UGT2B7: variants seen among roughly 807,000 people sequenced by gnomAD.
UGT2B7 encodes the protein UDP glucuronosyltransferase family 2 member B7, also known as UDP-glucuronosyltransferase 2B7.
A neutral mutation model predicts 51.9 loss-of-function variants in UGT2B7; 51 were observed. The observed-to-expected ratio is 0.98, with a 90% CI of 0.78 to 1.24. UGT2B7 has a LOEUF of 1.24. UGT2B7 is among the 50% of genes most tolerant of loss of function. The pLI is 0.00. For missense variants in UGT2B7, 727 were observed against 628.4 expected (o/e 1.16, Z -1.68); for synonymous variants, 225 against 211.6 (o/e 1.06, Z -0.55).
At chr4:69,089,003 A>G (rs1719025821) in intron 1 of UGT2B7, among the ~76,000 whole-genome samples, 2 of 152,226 alleles carry the variant, frequency 1.3e-5, no homozygotes, top group Admixed American at 6.6e-5. Context: ...GAGTTTTCCC[A>G]TGTCTATGAG....
intron 1 of UGT2B7, among the ~76,000 whole-genome samples, chr4:69,054,234 C>T (rs2109857551): frequency 6.6e-6 from 1 of 152,020 alleles, no homozygotes; most frequent in Admixed American, 6.5e-5. Flanking sequence ...AAAAAAATGG[C>T]AGTTGGAGTT....
chr4:69,060,244 G>A (rs957127743), intron 1 of UGT2B7, among the ~76,000 whole-genome samples: 1 of 152,226 alleles, frequency 6.6e-6, no homozygotes, highest in African/African-American at 2.4e-5. Context: ...TGCTCTGAAA[G>A]TGACCAGTAT....
rs778072240 is a variant in UGT2B7, at chr4:69,102,898, C to G, written c.962C>G (p.Ala321Gly). 22 of 1,613,462 alleles carry G rather than the reference C, an allele frequency of 1.4e-5. No individual in the cohort carries two copies. Among genetic ancestry groups the G allele is most frequent in the Non-Finnish European group, 1.9e-5 (22 of 1,179,668 alleles). Reference sequence around the variant, plus strand: ...GTCAGTAACATGACAGAAGAAAGGGCCAACGTAATTGCATCAGCCCTGGCC... The same window carrying G: ...GTCAGTAACATGACAGAAGAAAGGGGCAACGTAATTGCATCAGCCCTGGCC... ...SMVSNMTEER[A>G]NVIASALAQI... Residue 321 changes from alanine (A) to glycine (G), a missense_variant, in exon 3 of 6, where the codon GCC becomes GGC. Ala to Gly is a moderately conservative substitution (Grantham distance 60). Transcript: ENST00000305231.
chr4:69,101,241 A>G (rs1206556968), intron 2 of UGT2B7, among the ~76,000 whole-genome samples: 1 of 152,114 alleles, frequency 6.6e-6, no homozygotes, highest in Non-Finnish European at 1.5e-5. Flanking sequence ...TAAGTGTCAC[A>G]TGTGTACATT....
At chr4:69,107,053 G>C (rs1719621144) in intron 3 of UGT2B7, 122 bp from the exon 4 acceptor site, 2 of 1,087,332 alleles carry the variant, frequency 1.8e-6, no homozygotes, top group African/African-American at 1.6e-5. Flanking sequence ...ATTTACATTA[G>C]TCTTTGAGTA....
intron 1 of UGT2B7, among the ~76,000 whole-genome samples, chr4:69,079,227 T>C (rs778806830): frequency 7.2e-5 from 11 of 152,200 alleles, no homozygotes; most frequent in Non-Finnish European, 1.3e-4. Flanking sequence ...GCTGCACCCT[T>C]CTGCTGCATT....
chr4:69,094,315 ATT>A (rs1194365674), upstream of UGT2B7, among the ~76,000 whole-genome samples: 2 of 65,110 alleles, frequency 3.1e-5, no homozygotes, highest in Non-Finnish European at 5.3e-5. Context: ...AATTTTTTGT[ATT>A]TTTTTTTTTT....
intron 1 of UGT2B7, among the ~76,000 whole-genome samples, chr4:69,079,624 T>A (rs1718790917): frequency 6.6e-6 from 1 of 152,172 alleles, no homozygotes; most frequent in Non-Finnish European, 1.5e-5. Flanking sequence ...CAGCCTTCCA[T>A]TAACGTTGCA....
At chr4:69,063,318 CA>C (rs556109411) in intron 1 of UGT2B7, among the ~76,000 whole-genome samples, 92 of 23,836 alleles carry the variant, frequency 3.9e-3, no homozygotes, top group South Asian at 0.028. Context: ...GACTCCGTCT[CA>C]AAAAAAAAAA....
At chr4:69,087,509 T>C (rs976473795) in intron 1 of UGT2B7, among the ~76,000 whole-genome samples, 1 of 152,048 alleles carries the variant, frequency 6.6e-6, no homozygotes, top group African/African-American at 2.4e-5. Context: ...AGTTTGTCTT[T>C]ATAATTGGTT....
At chr4:69,098,445 C>T in intron 1 of UGT2B7, 95 bp from the exon 2 acceptor site, 2 of 1,416,918 alleles carry the variant, frequency 1.4e-6, no homozygotes, top group Non-Finnish European at 9.5e-7. Flanking sequence ...AGATATTTGC[C>T]TACATTTTTG....
Position 69,096,519 on chromosome 4 carries a change from G to A in UGT2B7, c.-2G>A, listed in dbSNP as rs111878373. 1.1e-3 allele frequency: 1,852 copies of A among 1,613,828 alleles called. 24 individuals are homozygous for A. In the African/African-American group the frequency reaches 0.022, roughly 20 times the overall value. On this transcript the variant is annotated 5_prime_UTR_variant, in exon 1 of 6. Coordinates refer to ENST00000305231, the MANE Select transcript of UGT2B7 (RefSeq NM_001074.4). ...GGAAAACAAGCATTGCATTGCACCA[G>A]GATGTCTGTGAAATGGACTTCAGTA...
intron 1 of UGT2B7, among the ~76,000 whole-genome samples, chr4:69,074,852 T>C (rs1411940313): frequency 6.6e-6 from 1 of 152,142 alleles, no homozygotes; most frequent in East Asian, 1.9e-4. Context: ...TCTTCCTTCA[T>C]TTTATACTAG....
intron 2 of UGT2B7, among the ~76,000 whole-genome samples, chr4:69,102,507 T>A (rs1719451321): frequency 6.6e-6 from 1 of 152,148 alleles, no homozygotes; most frequent in African/African-American, 2.4e-5. Context: ...ATAATATTTT[T>A]AACATTATCT....
chr4:69,104,932 A>AATG (rs761345805), intron 3 of UGT2B7, among the ~76,000 whole-genome samples: 42 of 152,286 alleles, frequency 2.8e-4, no homozygotes, highest in South Asian at 6.2e-4. Flanking sequence ...GTATCTGAGT[A>AATG]ATGTTCAGGG....
intron 2 of UGT2B7, among the ~76,000 whole-genome samples, chr4:69,099,412 A>G (rs1210329430): frequency 6.6e-6 from 1 of 152,014 alleles, no homozygotes; most frequent in Non-Finnish European, 1.5e-5. Flanking sequence ...TATTAAGCAC[A>G]TTGAAAAACT....
chr4:69,105,157 G>A (rs575458157), intron 3 of UGT2B7, among the ~76,000 whole-genome samples: 2 of 152,226 alleles, frequency 1.3e-5, no homozygotes, highest in East Asian at 3.9e-4. Flanking sequence ...TGCACTATCA[G>A]ATTAACAACT....
rs149509280 is a variant in UGT2B7 at position 69,102,464 on chromosome 4, G to A, written c.871-343G>A. Among the ~76,000 whole-genome samples, 197 of 152,200 alleles carry A rather than the reference G, an allele frequency of 1.3e-3. 1 individual carries two copies. In the Middle Eastern group the frequency reaches 0.024, roughly 18 times the overall value. ...TCCCACTTTCCAAGAACCTATATTA[G>A]TAACTTTAGTATTGTAAGAGAAGAG... On this transcript the variant is annotated intron_variant, in intron 2 of 5. Coordinates refer to ENST00000305231, the MANE Select transcript of UGT2B7 (RefSeq NM_001074.4).
At position 69,112,818 on chromosome 4, in the gene UGT2B7, A is replaced by G. The variant is rs1459484010; in HGVS notation, c.*82A>G. 7.6e-7 allele frequency: 1 copy of G among 1,313,836 alleles called. No individual in the cohort carries two copies. Among genetic ancestry groups the G allele is most frequent in the Admixed American group, 2.8e-5 (1 of 35,140 alleles). The allele number at this position is 1,313,836 out of a possible 1,614,324, so 81.4% of individuals were successfully genotyped here. A position where few individuals can be genotyped will look rare whatever the true frequency, so the allele number is the denominator to read the frequency against. ...CCAGCAAGAAAGATTGTGATGCAAG[A>G]TTTCTTTCTTCCTGAGACAAAAAAA... On this transcript the variant is annotated 3_prime_UTR_variant, in exon 6 of 6. Coordinates refer to ENST00000305231, the MANE Select transcript of UGT2B7 (RefSeq NM_001074.4).
Sources: allele counts gnomAD v4.1 joint callset (sites outside exome capture counted in the v4.1 genomes callset), GRCh38; gene constraint gnomAD v4.1.1; transcripts MANE v1.5; gene names NCBI Gene and HGNC (gene_info 2026-07-23, HGNC 2026-07-21).